TECPR2: variants seen among roughly 807,000 people sequenced by gnomAD.
TECPR2 encodes tectonin beta-propeller repeat-containing protein 2.
TECPR2 carries 65 observed loss-of-function variants against 138.1 expected under a neutral mutation model. The ratio of observed to expected loss-of-function variants is 0.47; its 90% CI spans 0.39 to 0.58. TECPR2 has a LOEUF of 0.58. Among genes scored for constraint, TECPR2 ranks in the 20% least tolerant of loss-of-function variants. TECPR2 has a pLI of 0.00. For synonymous variants in TECPR2, 746 were observed against 749.8 expected, an observed-to-expected ratio of 0.99 and a Z score of 0.08; for missense variants, 1,553 against 1,824.5, an observed-to-expected ratio of 0.85 and a Z score of 2.71.
At chr14:102,393,662 G>A (rs1178324412) in intron 2 of TECPR2, among the ~76,000 whole-genome samples, 5 of 152,088 alleles carry the variant, frequency 3.3e-5, no homozygotes, top group Admixed American at 6.6e-5. Flanking sequence ...AGGCTCAAGC[G>A]ATTCTCCTGC....
chr14:102,417,413 C>T (rs1452780450), intron 5 of TECPR2, among the ~76,000 whole-genome samples: 1 of 152,170 alleles, frequency 6.6e-6, no homozygotes. Flanking sequence ...CCCTCAAACA[C>T]AATGAGAGAG....
At chr14:102,460,717 C>T (rs1221585854) in intron 16 of TECPR2, among the ~76,000 whole-genome samples, 1 of 132,190 alleles carries the variant, frequency 7.6e-6, no homozygotes, top group Admixed American at 8.0e-5. Flanking sequence ...TTTTTTGAGA[C>T]GGAGTCTCGC....
chr14:102,449,894 C>T (rs1489629470), intron 14 of TECPR2, 25 bp downstream of exon 14: 1 of 1,608,746 alleles, frequency 6.2e-7, no homozygotes, highest in Non-Finnish European at 8.5e-7. Context: ...GTAATTTTCA[C>T]ACTGGCTTTA....
At chr14:102,432,296 A>AATAC (rs1013238650) in intron 8 of TECPR2, among the ~76,000 whole-genome samples, 168 bp downstream of exon 8, 9 of 123,172 alleles carry the variant, frequency 7.3e-5, no homozygotes, top group Non-Finnish European at 1.5e-4. Flanking sequence ...ATTAACGGAA[A>AATAC]ATACACACAC....
intron 10 of TECPR2, 140 bp from the exon 11 acceptor site, chr14:102,440,296 T>C (rs1362266596): frequency 1.7e-6 from 2 of 1,166,570 alleles, no homozygotes; most frequent in Non-Finnish European, 1.2e-6. Context: ...CTGGGTCTGG[T>C]GGCCTCTTTC....
rs1338226967 is a variant in TECPR2 at position 102,452,447 on chromosome 14, C to T, written c.3460C>T (p.Gln1154Ter). ...CAAGGACCTGTGCAGCGTCAGCGCCCAGAGCGCACAGTCGCGGCCCTCCAC... is the reference window on the plus strand; with the variant it reads ...CAAGGACCTGTGCAGCGTCAGCGCCTAGAGCGCACAGTCGCGGCCCTCCAC... ...SSKDLCSVSA[Q>*]SAQSRPSTVQ... The change falls in exon 16 of 20, where the codon CAG (glutamine) becomes TAG (stop). Residue 1154 changes from glutamine to a stop codon, truncating the protein, a stop_gained. Transcript: ENST00000359520. LOFTEE classifies it high-confidence loss of function. The T allele has an allele frequency of 6.2e-7, 1 of 1,613,568 alleles. No homozygotes were observed.
intron 17 of TECPR2, among the ~76,000 whole-genome samples, chr14:102,479,583 A>AT (rs1210437145): frequency 2.0e-5 from 3 of 152,170 alleles, no homozygotes; most frequent in African/African-American, 4.8e-5. Context: ...CTTTGGCCTG[A>AT]TTCGCTGGAT....
intron 17 of TECPR2, among the ~76,000 whole-genome samples, chr14:102,495,581 G>C (rs555017203): frequency 6.6e-6 from 1 of 152,218 alleles, no homozygotes; most frequent in Non-Finnish European, 1.5e-5. Flanking sequence ...GGCTGGGGAA[G>C]AAACCTGCCA....
intron 9 of TECPR2, 102 bp downstream of exon 9, chr14:102,435,313 T>A: frequency 6.8e-7 from 1 of 1,467,758 alleles, no homozygotes; most frequent in Middle Eastern, 2.6e-4. Context: ...GAAATTCTAT[T>A]CCTACTGCAA....
intron 17 of TECPR2, among the ~76,000 whole-genome samples, chr14:102,496,211 G>C (rs556869378): frequency 6.6e-6 from 1 of 152,356 alleles, no homozygotes; most frequent in South Asian, 2.1e-4. Flanking sequence ...GTGCCAGGCA[G>C]TGGGGGACAG....
rs1891380663 is a variant in TECPR2, at chr14:102,499,184, G to C, written c.*927G>C. The C allele has an allele frequency of 1.4e-6, 1 of 702,364 alleles. No homozygotes were observed. Among genetic ancestry groups the C allele is most frequent in the East Asian group, 2.7e-5 (1 of 37,274 alleles). 43.5% of individuals were successfully genotyped at this position (702,364 alleles called of 1,614,324 possible). A position where few individuals can be genotyped will look rare whatever the true frequency, so the allele number is the denominator to read the frequency against. ...TGTCCCAGGTAGGGACGGCACAGGAGGGTGCATGGGGCGTGGGGGAGCTGA... is the reference window on the plus strand; with the variant it reads ...TGTCCCAGGTAGGGACGGCACAGGACGGTGCATGGGGCGTGGGGGAGCTGA... On this transcript the variant is annotated 3_prime_UTR_variant, in exon 20 of 20. Transcript: ENST00000359520.
At position 102,499,013 on chromosome 14, in the gene TECPR2, C is replaced by T; in HGVS notation, c.*756C>T. On this transcript the variant is annotated 3_prime_UTR_variant, in exon 20 of 20. Coordinates refer to ENST00000359520, the MANE Select transcript of TECPR2 (RefSeq NM_014844.5). ...CCGCACTGCACCGCACCGCACCGCA[C>T]CGTACCTCGCCACATCTCACCACAC... The T allele has an allele frequency of 1.4e-6, 1 of 698,342 alleles. No homozygotes were observed. Among genetic ancestry groups the T allele is most frequent in the South Asian group, 1.5e-5 (1 of 66,868 alleles). 43.3% of individuals were successfully genotyped at this position (698,342 alleles called of 1,614,324 possible).
At chr14:102,486,621 C>G (rs1891032100) in intron 17 of TECPR2, among the ~76,000 whole-genome samples, 1 of 152,206 alleles carries the variant, frequency 6.6e-6, no homozygotes, top group Non-Finnish European at 1.5e-5. Flanking sequence ...TGGAAAACTG[C>G]TGGTCTTCGG....
Position 102,452,375 on chromosome 14 carries a change from A to G in TECPR2, c.3407-19A>G. 1 of 1,597,510 alleles carries G rather than the reference A, an allele frequency of 6.3e-7. No individual in the cohort carries two copies. Among genetic ancestry groups the G allele is most frequent in the South Asian group, 1.1e-5 (1 of 90,520 alleles). ...GGTGCAGACAACACCTCGATGACAA[A>G]CATGACCCCTTTCTGCAGGAAGCTT... On this transcript the variant is annotated intron_variant, in intron 15 of 19. Transcript: ENST00000359520.
chr14:102,389,710 G>T (rs1888113521), intron 2 of TECPR2, among the ~76,000 whole-genome samples: 1 of 152,198 alleles, frequency 6.6e-6, no homozygotes, highest in Non-Finnish European at 1.5e-5. Context: ...ACTGTCTCTT[G>T]ACTGCTGAGA....
At chr14:102,399,187 G>C (rs1004190011) in intron 2 of TECPR2, among the ~76,000 whole-genome samples, 1 of 152,182 alleles carries the variant, frequency 6.6e-6, no homozygotes, top group Admixed American at 6.5e-5. Flanking sequence ...GCTTGAATCT[G>C]GGAGGCAGAG....
chr14:102,479,016 CAA>C (rs34162369), intron 17 of TECPR2, among the ~76,000 whole-genome samples: 2,203 of 102,048 alleles, frequency 0.022, 17 homozygotes, highest in Middle Eastern at 0.032. Context: ...GGCCCTGTCT[CAA>C]AAAAAAAAAA....
At chr14:102,411,451 T>G (rs1050135516) in intron 4 of TECPR2, among the ~76,000 whole-genome samples, 3 of 152,312 alleles carry the variant, frequency 2.0e-5, no homozygotes, top group Non-Finnish European at 4.4e-5. Flanking sequence ...GTAAATGGCC[T>G]GTCCTTGCTT....
At chr14:102,450,498 T>G (rs1418570898) in intron 14 of TECPR2, 62 bp from the exon 15 acceptor site, 5 of 1,535,594 alleles carry the variant, frequency 3.3e-6, no homozygotes, top group Non-Finnish European at 3.6e-6. Context: ...AGAACTAAGA[T>G]CTGAAGTGGT....
Sources: allele counts gnomAD v4.1 joint callset (sites outside exome capture counted in the v4.1 genomes callset), GRCh38; gene constraint gnomAD v4.1.1; transcripts MANE v1.5; gene names NCBI Gene and HGNC (gene_info 2026-07-23, HGNC 2026-07-21).